GIN1: variants seen among roughly 807,000 people sequenced by gnomAD.
The protein encoded by GIN1 is gypsy retrotransposon integrase-like protein 1.
Under a neutral mutation model 51.4 loss-of-function variants are expected in GIN1, and 41 were observed. The ratio of observed to expected loss-of-function variants is 0.80; its 90% CI spans 0.62 to 1.04. The LOEUF (loss-of-function observed/expected upper bound fraction) is 1.04. Among genes scored for constraint, GIN1 ranks in the 50% least tolerant of loss-of-function variants. The pLI, the probability that GIN1 is intolerant of heterozygous loss-of-function variation, is 0.00. For synonymous variants in GIN1, 222 were observed against 206.5 expected (o/e 1.07, Z -0.64); for missense variants, 610 against 612.4 (o/e 1.00, Z 0.04).
At chr5:103,114,562 A>C (rs1554197198) in intron 1 of GIN1, among the ~76,000 whole-genome samples, 1 of 152,220 alleles carries the variant, frequency 6.6e-6, no homozygotes, top group African/African-American at 2.4e-5. Context: ...GATCAGATGG[A>C]AAGTGTACAC....
In GIN1 at chr5:103,088,156, C is replaced by T; in HGVS notation, c.1311G>A (p.Leu437=). ...CATGATCTGCCACTACTGAACCTTG[C>T]AAGAGATAAAGACTTTCTGAAAAAA... ...ESSEQESLYL[L]QGSVVADHDY... The change falls in exon 8 of 8, where the codon TTG becomes TTA. Residue 437 remains leucine (L), a synonymous_variant. Transcript: ENST00000399004. 1 of 1,542,884 alleles carries T rather than the reference C, an allele frequency of 6.5e-7. No individual in the cohort carries two copies. Among genetic ancestry groups the T allele is most frequent in the Non-Finnish European group, 8.8e-7 (1 of 1,142,638 alleles).
At chr5:103,116,134 G>A (rs1428870294) in intron 1 of GIN1, among the ~76,000 whole-genome samples, 1 of 152,076 alleles carries the variant, frequency 6.6e-6, no homozygotes, top group African/African-American at 2.4e-5. Flanking sequence ...CTGACAGGCT[G>A]ATTCTAAAAT....
Position 103,096,616 on chromosome 5 carries a change from T to C in GIN1, c.1219A>G (p.Asn407Asp), listed in dbSNP as rs782578811. ...TESGCAVLRDNTGVRLKRPIK... is the reference protein window; with the variant it reads ...TESGCAVLRDDTGVRLKRPIK... ...GGTCTTTTCAGTCTAACCCCAGTGT[T>C]GTCTCTCAGGACAGCACATCCACTT... is the stretch of plus-strand genomic sequence containing the variant. Residue 407 changes from asparagine to aspartate, a missense_variant, in exon 7 of 8, where the codon AAC becomes GAC. Transcript: ENST00000399004. 5 of 1,613,598 alleles carry C rather than the reference T, an allele frequency of 3.1e-6. No homozygotes were observed. The highest frequency in any genetic ancestry group is 4.2e-6 in the Non-Finnish European group (5 of 1,179,490).
rs1554193966 is a variant in GIN1 at position 103,087,104 on chromosome 5, C to G, written c.*794G>C. ...GCTCCTACTTCAGCCTCCTGAGTAG[C>G]TGGGACCGCAGGCATGTGCCACCAC... On this transcript the variant is annotated 3_prime_UTR_variant, in exon 8 of 8. Coordinates refer to ENST00000399004, the MANE Select transcript of GIN1 (RefSeq NM_017676.2). The G allele has an allele frequency of 6.6e-6, 1 of 152,222 alleles. No individual in the cohort carries two copies. The highest frequency in any genetic ancestry group is 1.5e-5 in the Non-Finnish European group (1 of 68,110). The allele number at this position is 152,222 out of a possible 1,614,324, so 9.4% of individuals were successfully genotyped here.
At chr5:103,099,263 C>T (rs1554195505) in intron 4 of GIN1, among the ~76,000 whole-genome samples, 1 of 152,102 alleles carries the variant, frequency 6.6e-6, no homozygotes. Flanking sequence ...CCAACACTCT[C>T]TCCCTTCTTT....
intron 3 of GIN1, among the ~76,000 whole-genome samples, chr5:103,105,948 G>T (rs914471922): frequency 4.6e-5 from 7 of 152,086 alleles, no homozygotes; most frequent in South Asian, 4.1e-4. Context: ...AAGGTCTTTG[G>T]AATACCTGAA....
chr5:103,090,984 A>G (rs1787222905), intron 7 of GIN1, among the ~76,000 whole-genome samples: 1 of 152,196 alleles, frequency 6.6e-6, no homozygotes, highest in South Asian at 2.1e-4. Flanking sequence ...AAAACTGTAG[A>G]GAACAAGGAC....
At chr5:103,109,398 C>CTT (rs1787812627) in intron 1 of GIN1, among the ~76,000 whole-genome samples, 1 of 152,070 alleles carries the variant, frequency 6.6e-6, no homozygotes, top group Non-Finnish European at 1.5e-5. Flanking sequence ...AGGGATGAGA[C>CTT]TAAGAGTATT....
chr5:103,094,176 G>A (rs1787330807), intron 7 of GIN1, among the ~76,000 whole-genome samples: 1 of 152,050 alleles, frequency 6.6e-6, no homozygotes, highest in Non-Finnish European at 1.5e-5. Context: ...CAACTTGTGA[G>A]GTGATTTTCA....
chr5:103,092,200 G>A (rs1583109564), intron 7 of GIN1, among the ~76,000 whole-genome samples: 1 of 151,948 alleles, frequency 6.6e-6, no homozygotes, highest in Non-Finnish European at 1.5e-5. Flanking sequence ...TAGGGACGGG[G>A]TTTCACTATG....
rs1554196594 is a variant in GIN1 at position 103,108,576 on chromosome 5, G to A, written c.132C>T (p.Val44=). 1 of 1,595,730 alleles carries A rather than the reference G, an allele frequency of 6.3e-7. No homozygotes were observed. Among genetic ancestry groups the A allele is most frequent in the Admixed American group, 1.7e-5 (1 of 58,890 alleles). Residue 44 remains valine, a synonymous_variant, in exon 2 of 8, where the codon GTC becomes GTT. Transcript: ENST00000399004. ...SGIRRAAKKF[V]FKEKKLFYVG... ...TTTGAACATTAATTTTACCTTTGAA[G>A]ACAAATTTTTTTGCTGCTCTTCTTA...
At chr5:103,098,831 AG>A (rs1787483722) in intron 4 of GIN1, among the ~76,000 whole-genome samples, 1 of 152,234 alleles carries the variant, frequency 6.6e-6, no homozygotes, top group Admixed American at 6.5e-5. Flanking sequence ...ATGTTTAAAA[AG>A]CATGTAAAAC....
At chr5:103,097,889 A>G (rs1276927114) in intron 4 of GIN1, 108 bp from the exon 5 acceptor site, 18 of 598,018 alleles carry the variant, frequency 3.0e-5, no homozygotes, top group African/African-American at 2.9e-4. Context: ...TTATTTATCT[A>G]TTTATTTTTT....
chr5:103,118,551 T>C (rs1788144466), intron 1 of GIN1, among the ~76,000 whole-genome samples: 1 of 152,194 alleles, frequency 6.6e-6, no homozygotes. Context: ...TCACGAATTG[T>C]ATCCTTTTAT....
At position 103,120,053 on chromosome 5, in the gene GIN1, C is replaced by G; in HGVS notation, c.-8+11G>C. 1 of 183,518 alleles carries G rather than the reference C, an allele frequency of 5.4e-6. No individual in the cohort carries two copies. Among genetic ancestry groups the G allele is most frequent in the Admixed American group, 5.5e-5 (1 of 18,338 alleles). The allele number at this position is 183,518 out of a possible 1,614,324, so 11.4% of individuals were successfully genotyped here. On this transcript the variant is annotated intron_variant, in intron 1 of 7. Transcript: ENST00000399004. ...GTAGGTATGACACAGCACACCAGAA[C>G]GACCACTCACCGAGGTGGTCCTAAA...
In GIN1 at chr5:103,088,014, G is replaced by A. The variant is rs1174803321; in HGVS notation, c.1453C>T (p.Leu485=). ...ELLTSSKDRE[L]LEYRNTKISP... ...ATTTTCGTATTTCTATATTCTAATA[G>A]TTCACGATCCTTGCTTGATGTCAGT... Residue 485 remains leucine (L), a synonymous_variant, in exon 8 of 8, where the codon CTA becomes TTA. Coordinates refer to ENST00000399004, the MANE Select transcript of GIN1 (RefSeq NM_017676.2). The A allele has an allele frequency of 2.5e-6, 4 of 1,606,156 alleles. No homozygotes were observed. The highest frequency in any genetic ancestry group is 3.4e-6 in the Non-Finnish European group (4 of 1,173,208).
At position 103,087,367 on chromosome 5, in the gene GIN1, C is replaced by A. The variant is rs1554194002; in HGVS notation, c.*531G>T. 6.6e-6 allele frequency: 1 copy of A among 152,154 alleles called. No homozygotes were observed. The highest frequency in any genetic ancestry group is 1.5e-5 in the Non-Finnish European group (1 of 68,032). The allele number at this position is 152,154 out of a possible 1,614,324, so 9.4% of individuals were successfully genotyped here. On this transcript the variant is annotated 3_prime_UTR_variant, in exon 8 of 8. Coordinates refer to ENST00000399004, the MANE Select transcript of GIN1 (RefSeq NM_017676.2). Reference sequence around the variant, plus strand: ...AGACCCTAATCCTGACCCTATCTAACCAATTAGATAATTTGAAATTACCAA... The same window carrying A: ...AGACCCTAATCCTGACCCTATCTAAACAATTAGATAATTTGAAATTACCAA...
chr5:103,095,663 C>T lies in GIN1; in HGVS notation c.1294+878G>A, dbSNP rs563460039. On this transcript the variant is annotated intron_variant, in intron 7 of 7. Transcript: ENST00000399004. ...AAGGCCAGGTGCAATGGCACATGCACGCAATCCCAGCACTTTGGGAGGCCA... is the reference window on the plus strand; with the variant it reads ...AAGGCCAGGTGCAATGGCACATGCATGCAATCCCAGCACTTTGGGAGGCCA... Among the ~76,000 whole-genome samples the T allele has an allele frequency of 6.6e-5, 10 of 152,246 alleles. No individual in the cohort carries two copies. The South Asian group carries it at 1.0e-3, about 16-fold the overall frequency.
At chr5:103,099,278 C>A (rs1452729530) in intron 4 of GIN1, among the ~76,000 whole-genome samples, 15 of 152,172 alleles carry the variant, frequency 9.9e-5, no homozygotes, top group African/African-American at 3.6e-4. Context: ...TTCTTTCTGA[C>A]TGAAATGTAG....
Sources: gnomAD v4.1 joint callset for allele counts (sites outside exome capture counted in the v4.1 genomes callset) on GRCh38, gnomAD v4.1.1 for gene constraint, MANE v1.5 for transcripts, NCBI Gene and HGNC (gene_info 2026-07-23, HGNC 2026-07-21) for gene names.